Variants in ZNF496 observed in about 807,000 individuals in gnomAD.
ZNF496 encodes the protein zinc finger protein 496.
A neutral mutation model predicts 58.9 loss-of-function variants in ZNF496; 11 were observed. The observed-to-expected ratio is 0.19, with a 90% confidence interval of 0.12 to 0.31. ZNF496 has a LOEUF of 0.31. Ranked by LOEUF, ZNF496 falls within the 10% of genes least tolerant of loss-of-function variation. The probability of loss-of-function intolerance (pLI) is 1.00; values close to 1 mark genes in which losing one functional copy is unlikely to be tolerated. For synonymous variants in ZNF496, 338 were observed against 318.2 expected (o/e 1.06, Z -0.66); for missense variants, 660 against 783.0 (o/e 0.84, Z 1.88).
chr1:247,317,631 G>A lies in ZNF496; in HGVS notation c.651+5523C>T, dbSNP rs188421879. Among the ~76,000 whole-genome samples, 256 of 152,242 alleles carry A rather than the reference G, an allele frequency of 1.7e-3. 3 individuals are homozygous for A. The highest frequency in any genetic ancestry group is 3.5e-4 in the Non-Finnish European group (24 of 68,032). ...GCTGGAACTCCACTCCCACTCGGGT[G>A]TATGAGGAGCATCCCCACTTTGATG... On this transcript the variant is annotated intron_variant, in intron 6 of 9. Transcript: ENST00000682384.
intron 6 of ZNF496, among the ~76,000 whole-genome samples, chr1:247,322,469 T>C (rs1659991221): frequency 6.6e-6 from 1 of 152,144 alleles, no homozygotes; most frequent in African/African-American, 2.4e-5. Flanking sequence ...GGGATGATGC[T>C]GTCATAACTA....
chr1:247,304,370 ATTTT>A (rs146250749), intron 9 of ZNF496, among the ~76,000 whole-genome samples: 24 of 141,590 alleles, frequency 1.7e-4, no homozygotes, highest in Middle Eastern at 3.4e-3. Flanking sequence ...GACCTGCTAG[ATTTT>A]TTTTTTTTTT....
At position 247,300,793 on chromosome 1, in the gene ZNF496, C is replaced by T. The variant is rs376788310; in HGVS notation, c.1490G>A (p.Arg497Lys). The change falls in exon 10 of 10, where the codon AGA becomes AAA. Residue 497 changes from arginine (R) to lysine (K), a missense_variant. Physicochemically the swap from Arg to Lys is conservative, Grantham distance 26. Coordinates refer to ENST00000682384, the MANE Select transcript of ZNF496 (RefSeq NM_032752.3). This position sits in a 1 kb window ranked among gnomAD's most constrained non-coding sequence, Gnocchi z 5.7. Reference protein sequence around the residue: ...QPDRLQPVEKREQAASEDADK... With the variant: ...QPDRLQPVEKKEQAASEDADK... ...CGCGTCCTCGGATGCCGCCTGCTCTCTCTTCTCCACCGGCTGGAGTCTGTC... is the reference window on the plus strand; with the variant it reads ...CGCGTCCTCGGATGCCGCCTGCTCTTTCTTCTCCACCGGCTGGAGTCTGTC... 53 of 1,601,258 alleles carry T rather than the reference C, an allele frequency of 3.3e-5. No homozygotes were observed. Among genetic ancestry groups the T allele is most frequent in the African/African-American group, 2.9e-4 (22 of 74,722 alleles).
chr1:247,308,934 A>C lies in ZNF496; in HGVS notation c.893-346T>G, dbSNP rs1572076228. On this transcript the variant is annotated intron_variant, in intron 8 of 9. Transcript: ENST00000682384. The surrounding 1 kb of genome is among the most constrained non-coding windows in gnomAD (Gnocchi z 4.5). ...TAGTCATCACCACAGGCTCCTGCAC[A>C]CTCCGCACATCCTGCACAAACAGCT... 1 of 303,566 alleles carries C rather than the reference A, an allele frequency of 3.3e-6. No individual in the cohort carries two copies. The highest frequency in any genetic ancestry group is 6.4e-6 in the Non-Finnish European group (1 of 156,164). 18.8% of individuals were successfully genotyped at this position (303,566 alleles called of 1,614,324 possible). A position where few individuals can be genotyped will look rare whatever the true frequency, so the allele number is the denominator to read the frequency against.
At chr1:247,305,803 A>T (rs760447530) in intron 9 of ZNF496, among the ~76,000 whole-genome samples, 2 of 152,276 alleles carry the variant, frequency 1.3e-5, no homozygotes, top group Non-Finnish European at 2.9e-5. Context: ...TAAGCCAGGC[A>T]TGATGGCACA....
chr1:247,303,994 G>A, intron 9 of ZNF496: 1 of 373,046 alleles, frequency 2.7e-6, no homozygotes, highest in Non-Finnish European at 5.3e-6. Flanking sequence ...CTGCAACCCT[G>A]TGGACTGCAT....
chr1:247,301,893 A>C (rs1326999791), intron 9 of ZNF496, among the ~76,000 whole-genome samples: 1 of 152,278 alleles, frequency 6.6e-6, no homozygotes, highest in Admixed American at 6.5e-5. Flanking sequence ...AGGCTGCTCA[A>C]CAGTCCCAGA....
At chr1:247,305,250 G>A (rs1270831410) in intron 9 of ZNF496, among the ~76,000 whole-genome samples, 2 of 152,148 alleles carry the variant, frequency 1.3e-5, no homozygotes, top group African/African-American at 4.8e-5. Context: ...TCTCTAACCT[G>A]GGTGACAGAG....
At chr1:247,327,547 T>C (rs978533004) in intron 5 of ZNF496, among the ~76,000 whole-genome samples, 9 of 152,222 alleles carry the variant, frequency 5.9e-5, no homozygotes, top group Admixed American at 5.2e-4. Context: ...CTGTGGTACT[T>C]TGTTATGGCA....
Position 247,299,618 on chromosome 1 carries a change from G to A in ZNF496, c.*901C>T, listed in dbSNP as rs1036263994. ...CCAGACAGGAGAACCCCTCACTGGG[G>A]GCAGAGCTCCACATTCCTAGACAGG... On this transcript the variant is annotated 3_prime_UTR_variant, in exon 10 of 10. Coordinates refer to ENST00000682384, the MANE Select transcript of ZNF496 (RefSeq NM_032752.3). 6.6e-6 allele frequency: 1 copy of A among 152,232 alleles called. No homozygotes were observed. The highest frequency in any genetic ancestry group is 2.4e-5 in the African/African-American group (1 of 41,444). 9.4% of individuals were successfully genotyped at this position (152,232 alleles called of 1,614,324 possible).
At chr1:247,326,245 C>T (rs183945981) in intron 5 of ZNF496, among the ~76,000 whole-genome samples, 8 of 151,826 alleles carry the variant, frequency 5.3e-5, no homozygotes, top group Admixed American at 2.0e-4. Context: ...GAGTTGCAGA[C>T]CCTACACAAA....
intron 9 of ZNF496, chr1:247,304,157 C>T (rs1659332722): frequency 6.5e-6 from 2 of 307,576 alleles, no homozygotes; most frequent in South Asian, 5.2e-5. Context: ...ATGTACTATC[C>T]TTCAAGAAAA....
chr1:247,306,792 C>T (rs1572073768), intron 9 of ZNF496, among the ~76,000 whole-genome samples: 2 of 152,290 alleles, frequency 1.3e-5, no homozygotes, highest in South Asian at 2.1e-4. Flanking sequence ...TGAACCACTG[C>T]GCCCAGCCTG....
In ZNF496 at chr1:247,309,944, G is replaced by T; in HGVS notation, c.785-138C>A. The T allele has an allele frequency of 7.5e-7, 1 of 1,328,172 alleles. No homozygotes were observed. The highest frequency in any genetic ancestry group is 1.0e-6 in the Non-Finnish European group (1 of 986,736). 82.3% of individuals were successfully genotyped at this position (1,328,172 alleles called of 1,614,324 possible). ...AGGGGCGAGAAGTGAAAAGGCCAGA[G>T]CTGGCAGTGCAGGGGCAGTGGGGGC... On this transcript the variant is annotated intron_variant, in intron 7 of 9. Transcript: ENST00000682384. The surrounding 1 kb of genome is among the most constrained non-coding windows in gnomAD (Gnocchi z 4.3).
intron 5 of ZNF496, among the ~76,000 whole-genome samples, chr1:247,327,668 T>C (rs1660179593): frequency 6.6e-6 from 1 of 152,260 alleles, no homozygotes; most frequent in Non-Finnish European, 1.5e-5. Flanking sequence ...ATAGGCATTT[T>C]GGTTTTATTA....
chr1:247,326,628 T>G (rs1660136490), intron 5 of ZNF496, among the ~76,000 whole-genome samples: 1 of 152,182 alleles, frequency 6.6e-6, no homozygotes, highest in Non-Finnish European at 1.5e-5. Context: ...GCTGCTTCCC[T>G]TATACCTGTT....
At chr1:247,324,194 T>C (rs1367740178) in intron 5 of ZNF496, among the ~76,000 whole-genome samples, 2 of 151,362 alleles carry the variant, frequency 1.3e-5, no homozygotes, top group African/African-American at 4.9e-5. Flanking sequence ...CTGAAAGACA[T>C]GCTACGAGCA....
rs184094089 is a variant in ZNF496, at chr1:247,329,893, G to A, written c.-38+73C>T. The A allele has an allele frequency of 2.9e-5, 9 of 307,384 alleles. No homozygotes were observed. The Admixed American group carries it at 3.3e-4, about 11-fold the overall frequency. The allele number at this position is 307,384 out of a possible 1,614,324, so 19.0% of individuals were successfully genotyped here. On this transcript the variant is annotated intron_variant, in intron 3 of 9. Coordinates refer to ENST00000682384, the MANE Select transcript of ZNF496 (RefSeq NM_032752.3). The surrounding 1 kb of genome is among the most constrained non-coding windows in gnomAD (Gnocchi z 5.5). ...TGGGAGAAAGTGGTGGCATTTCAAC[G>A]TGACACTGCTGTTTTGAGCATCCCA...
At position 247,301,231 on chromosome 1, in the gene ZNF496, ACTT is replaced by A. The variant is rs1484801806; in HGVS notation, c.1049_1051del (p.Glu350del). On this transcript the variant is annotated inframe_deletion, in exon 10 of 10. Coordinates refer to ENST00000682384, the MANE Select transcript of ZNF496 (RefSeq NM_032752.3). ...GCTGGAGAGAACGATCTCGATGGTCACTTCTTCATCCAGGCTGTTCTCTAGAGA... is the reference window on the plus strand; with the variant it reads ...GCTGGAGAGAACGATCTCGATGGTCACTTCATCCAGGCTGTTCTCTAGAGA... 3.3e-6 allele frequency: 5 copies of A among 1,535,700 alleles called. No homozygotes were observed. Among genetic ancestry groups the A allele is most frequent in the African/African-American group, 2.8e-5 (2 of 72,304 alleles).
Sources: allele counts gnomAD v4.1 joint callset (sites outside exome capture counted in the v4.1 genomes callset), GRCh38; gene constraint gnomAD v4.1.1; non-coding constraint Gnocchi (gnomAD v3.1); transcripts MANE v1.5; gene names NCBI Gene and HGNC (gene_info 2026-07-23, HGNC 2026-07-21).